The following PATJ variants were observed in gnomAD, a reference collection of about 807,000 sequenced individuals.
PATJ encodes the protein PATJ crumbs cell polarity complex component.
PATJ carries 190 observed loss-of-function variants against 224.9 expected under a neutral mutation model. The observed-to-expected ratio is 0.84, with a 90% CI of 0.75 to 0.95. The LOEUF is 0.95. Among genes scored for constraint, PATJ ranks in the 40% least tolerant of loss-of-function variants. The pLI, the probability that PATJ is intolerant of heterozygous loss-of-function variation, is 0.00. For missense variants in PATJ, 2,121 were observed against 2,270.3 expected (o/e 0.93, Z 1.34); for synonymous variants, 769 against 820.3 (o/e 0.94, Z 1.07).
At position 61,778,711 on chromosome 1, in the gene PATJ, T is replaced by TATAG. The variant is rs558184665; in HGVS notation, c.849+3378_849+3379insTAGA. Among the ~76,000 whole-genome samples, 946 of 151,566 alleles carry TATAG rather than the reference T, an allele frequency of 6.2e-3. 7 individuals are homozygous for TATAG. The highest frequency in any genetic ancestry group is 0.013 in the African/African-American group (520 of 41,332). On this transcript the variant is annotated intron_variant, in intron 7 of 43. Transcript: ENST00000642238. ...CCACTCTTACTAATATATATATATA[T>TATAG]AGAGAGAGAGATGGAGTCTTGCTCT...
intron 27 of PATJ, among the ~76,000 whole-genome samples, chr1:61,940,972 G>A (rs1217211017): frequency 6.6e-6 from 1 of 152,014 alleles, no homozygotes; most frequent in Non-Finnish European, 1.5e-5. Flanking sequence ...GCATTTTGGA[G>A]TACTTCACTT....
intron 15 of PATJ, among the ~76,000 whole-genome samples, chr1:61,823,814 T>C (rs1329107104): frequency 6.6e-6 from 1 of 152,154 alleles, no homozygotes; most frequent in African/African-American, 2.4e-5. Flanking sequence ...TTGTGTGTAA[T>C]TGTAATTTAT....
chr1:61,991,834 G>A (rs1269343973), intron 28 of PATJ: 8 of 655,414 alleles, frequency 1.2e-5, no homozygotes, highest in Non-Finnish European at 1.5e-5. Context: ...CCTCAGAGAT[G>A]AGACAAAAGT....
At chr1:61,897,061 TAAA>T (rs34842441) in intron 22 of PATJ, among the ~76,000 whole-genome samples, 94,060 of 151,670 alleles carry the variant, frequency 0.62, 29,987 homozygotes, top group Middle Eastern at 0.7. Context: ...TACTAGTAAA[TAAA>T]AAACGATGAA....
At position 61,812,433 on chromosome 1, in the gene PATJ, A is replaced by AGTGTGTGTGTGTGTGT. The variant is rs71050167; in HGVS notation, c.1683+3923_1683+3938dup. ...GAGAGAGAGAGAGAGAGAGAGAGAG[A>AGTGTGTGTGTGTGTGT]GTGTGTGTGTGTGTGTGTGTGTGTG... On this transcript the variant is annotated intron_variant, in intron 14 of 43. Transcript: ENST00000642238. 4.1e-3 allele frequency among the ~76,000 whole-genome samples: 353 copies of AGTGTGTGTGTGTGTGT among 85,076 alleles called. 4 individuals carry two copies. Among genetic ancestry groups the AGTGTGTGTGTGTGTGT allele is most frequent in the African/African-American group, 0.013 (281 of 22,366 alleles). 55.8% of individuals were successfully genotyped at this position (85,076 alleles called of 152,430 possible).
chr1:62,067,889 C>G (rs11809291), intron 31 of PATJ, among the ~76,000 whole-genome samples: 5,492 of 152,254 alleles, frequency 0.036, 321 homozygotes, highest in African/African-American at 0.13. Flanking sequence ...CAACTTCTGC[C>G]TCCCGGGCTC....
chr1:61,801,626 C>A lies in PATJ; in HGVS notation c.1406C>A (p.Thr469Asn), dbSNP rs1652521881. ...SPLEPPSDRG[T>N]VVEPLKPPAL... ...AAATTATTTTTTTTTGTTTTAGGAACTGTTGTAGAACCACTGAAACCACCA... is the reference window on the plus strand; with the variant it reads ...AAATTATTTTTTTTTGTTTTAGGAAATGTTGTAGAACCACTGAAACCACCA... Residue 469 changes from threonine to asparagine, a missense_variant, in exon 12 of 44, where the codon ACT becomes AAT. Thr to Asn is a moderately conservative substitution (Grantham distance 65). Coordinates refer to ENST00000642238, the MANE Select transcript of PATJ (RefSeq NM_001350145.3). 3 of 1,507,254 alleles carry A rather than the reference C, an allele frequency of 2.0e-6. No individual in the cohort carries two copies. In the African/African-American group the frequency reaches 4.2e-5, roughly 21 times the overall value. 93.4% of individuals were successfully genotyped at this position (1,507,254 alleles called of 1,614,324 possible). A position where few individuals can be genotyped will look rare whatever the true frequency, so the allele number is the denominator to read the frequency against.
intron 21 of PATJ, among the ~76,000 whole-genome samples, chr1:61,879,220 T>C (rs1275151726): frequency 6.6e-6 from 1 of 152,254 alleles, no homozygotes; most frequent in Non-Finnish European, 1.5e-5. Flanking sequence ...TATGCCTGCA[T>C]AAGTACAGGT....
chr1:61,755,265 C>T (rs1402882980), intron 1 of PATJ, among the ~76,000 whole-genome samples: 1 of 148,184 alleles, frequency 6.7e-6, no homozygotes, highest in South Asian at 2.1e-4. Flanking sequence ...ACCGAGATGG[C>T]GCCACTGCAC....
rs1435252387 is a variant in PATJ at position 61,875,357 on chromosome 1, C to T, written c.2950C>T (p.Leu984=). Residue 984 remains leucine (L), a synonymous_variant, in exon 21 of 44, where the codon CTG becomes TTG. Transcript: ENST00000642238. ...TCTTAATTCATTAGCAAAAACTAGT[C>T]TGGATTTAGGTTTGTGACTTTTGTT... ...ENLNSLAKTS[L]DLGMIPNDVQ... is the part of the protein sequence containing the mutation. 12 of 1,607,206 alleles carry T rather than the reference C, an allele frequency of 7.5e-6. No individual in the cohort carries two copies. Among genetic ancestry groups the T allele is most frequent in the Non-Finnish European group, 1.0e-5 (12 of 1,177,614 alleles).
At chr1:61,945,433 T>A (rs12068603) in intron 27 of PATJ, among the ~76,000 whole-genome samples, 4,707 of 150,600 alleles carry the variant, frequency 0.031, 275 homozygotes, top group African/African-American at 0.11. Flanking sequence ...GCAATCCTAG[T>A]CTCTGATAAA....
In PATJ at chr1:61,815,579, G is replaced by A. The variant is rs534648871; in HGVS notation, c.1683+7049G>A. On this transcript the variant is annotated intron_variant, in intron 14 of 43. Coordinates refer to ENST00000642238, the MANE Select transcript of PATJ (RefSeq NM_001350145.3). ...TCCAGAAGCATCTACATGACTGGGCGGGGTGGTTTATGCATATAATCCCAG... is the reference window on the plus strand; with the variant it reads ...TCCAGAAGCATCTACATGACTGGGCAGGGTGGTTTATGCATATAATCCCAG... Among the ~76,000 whole-genome samples the A allele has an allele frequency of 1.4e-4, 21 of 152,248 alleles. 1 individual carries two copies. The highest frequency in any genetic ancestry group is 2.1e-4 in the Non-Finnish European group (14 of 68,010).
At chr1:61,777,703 C>CTTTT (rs66470863) in intron 7 of PATJ, among the ~76,000 whole-genome samples, 43 of 48,734 alleles carry the variant, frequency 8.8e-4, no homozygotes, top group Middle Eastern at 0.016. Flanking sequence ...TTCTTTCTTT[C>CTTTT]TTTTTTTTTT....
At chr1:61,793,450 C>T (rs545818692) in intron 9 of PATJ, among the ~76,000 whole-genome samples, 6 of 152,134 alleles carry the variant, frequency 3.9e-5, no homozygotes, top group African/African-American at 1.4e-4. Context: ...ATGTCAAGTG[C>T]GTGCTGCGGA....
At chr1:61,853,051 G>T (rs1231905293) in intron 17 of PATJ, among the ~76,000 whole-genome samples, 3 of 152,156 alleles carry the variant, frequency 2.0e-5, no homozygotes, top group Non-Finnish European at 4.4e-5. Flanking sequence ...TGTCGTCCAG[G>T]AAAAGGGGTG....
chr1:61,876,061 A>G (rs1218623535), intron 21 of PATJ, among the ~76,000 whole-genome samples: 2 of 152,114 alleles, frequency 1.3e-5, no homozygotes, highest in Non-Finnish European at 2.9e-5. Context: ...TGTTATGACT[A>G]CTTAAAAGTC....
At chr1:62,034,421 C>CGA (rs892019590) in intron 29 of PATJ, among the ~76,000 whole-genome samples, 52 of 121,336 alleles carry the variant, frequency 4.3e-4, no homozygotes, top group African/African-American at 6.7e-4. Context: ...CCAGCCTGGG[C>CGA]GAGAGAGAGA....
intron 22 of PATJ, among the ~76,000 whole-genome samples, chr1:61,897,195 G>A (rs1244712486): frequency 7.9e-5 from 12 of 152,106 alleles, no homozygotes; most frequent in Non-Finnish European, 1.8e-4. Flanking sequence ...TATTACATAG[G>A]ACCATCAAAA....
chr1:61,939,258 C>A (rs1677387753), intron 27 of PATJ, among the ~76,000 whole-genome samples: 1 of 147,110 alleles, frequency 6.8e-6, no homozygotes. Context: ...TTATTATTAC[C>A]AAAACAATAA....
Sources: allele counts gnomAD v4.1 joint callset (sites outside exome capture counted in the v4.1 genomes callset), GRCh38; gene constraint gnomAD v4.1.1; transcripts MANE v1.5; gene names NCBI Gene and HGNC (gene_info 2026-07-23, HGNC 2026-07-21).